The following SEPTIN6 variants were observed in gnomAD, a reference collection of about 807,000 sequenced individuals.
The protein encoded by SEPTIN6 is septin 6.
In SEPTIN6, 8 loss-of-function variants were observed where a neutral mutation model predicts 33.6. The ratio of observed to expected loss-of-function variants is 0.24; its 90% confidence interval spans 0.14 to 0.43. The LOEUF (loss-of-function observed/expected upper bound fraction) is 0.43. SEPTIN6 is among the 20% of genes least tolerant of loss of function. SEPTIN6 has a pLI of 1.00. For missense variants in SEPTIN6, 250 were observed against 340.8 expected (o/e 0.73, Z 2.10); for synonymous variants, 131 against 140.0 (o/e 0.94, Z 0.45).
chrX:119,629,011 C>T (rs912038684), intron 9 of SEPTIN6: 2 of 250,386 alleles, frequency 8.0e-6, no homozygotes, highest in African/African-American at 5.4e-5. Flanking sequence ...CTCTCACTCT[C>T]CTTTGCTTTT....
chrX:119,637,006 C>T, intron 7 of SEPTIN6, 21 bp downstream of exon 7: 1 of 1,202,622 alleles, frequency 8.3e-7, no homozygotes, highest in Non-Finnish European at 1.1e-6. Context: ...CTGGGCTGGG[C>T]TGGGCTGGCA....
chrX:119,652,085 A>G (rs1291994375), intron 4 of SEPTIN6, among the ~76,000 whole-genome samples: 1 of 111,555 alleles, frequency 9.0e-6, no homozygotes, highest in Non-Finnish European at 1.9e-5. Flanking sequence ...CACCATGCCC[A>G]GTTAATTTTT....
chrX:119,684,734 G>A (rs187059502), intron 1 of SEPTIN6, among the ~76,000 whole-genome samples: 1,243 of 110,497 alleles, frequency 0.011, 6 homozygotes, highest in Non-Finnish European at 0.019. Context: ...CAGGTGATCC[G>A]CCCGCCTCAG....
At position 119,680,923 on chromosome X, in the gene SEPTIN6, T is replaced by C. The variant is rs770153559; in HGVS notation, c.31-5255A>G. The stretch of plus-strand genomic sequence containing the variant: ...CTGAACCCGGGAGGCAGAGGTTGCA[T>C]TGAGCCGAGATCACGCCACTGCACT... On this transcript the variant is annotated intron_variant, in intron 1 of 10. Transcript: ENST00000394610. 1.9e-4 allele frequency among the ~76,000 whole-genome samples: 20 copies of C among 106,468 alleles called. No homozygotes were observed. The East Asian group carries it at 2.4e-3, about 13-fold the overall frequency. 92.5% of individuals were successfully genotyped at this position (106,468 alleles called of 115,157 possible). A position where few individuals can be genotyped will look rare whatever the true frequency, so the allele number is the denominator to read the frequency against.
chrX:119,630,074 T>C (rs2053933768), intron 8 of SEPTIN6, among the ~76,000 whole-genome samples: 1 of 111,860 alleles, frequency 8.9e-6, no homozygotes, highest in Non-Finnish European at 1.9e-5. Context: ...GAGCCAAGAT[T>C]GTGCCACTGG....
At chrX:119,621,497 T>TGTGTGTGTGTGTGTGTGTG (rs1569417826) in intron 10 of SEPTIN6, among the ~76,000 whole-genome samples, 1 of 32,638 alleles carries the variant, frequency 3.1e-5, no homozygotes, top group African/African-American at 8.6e-5. Flanking sequence ...GTGTGTGTAT[T>TGTGTGTGTGTGTGTGTGTG]TTTATTTCTT....
At chrX:119,645,642 C>A (rs2147516259) in intron 5 of SEPTIN6, among the ~76,000 whole-genome samples, 1 of 111,367 alleles carries the variant, frequency 9.0e-6, no homozygotes, top group Admixed American at 9.5e-5. Context: ...GGTGATCCAC[C>A]CGCCTCGGCC....
intron 1 of SEPTIN6, among the ~76,000 whole-genome samples, chrX:119,681,854 C>A (rs1001507050): frequency 1.8e-5 from 2 of 111,001 alleles, no homozygotes; most frequent in African/African-American, 6.6e-5. Flanking sequence ...CTGGGCAACA[C>A]AGCAGAATCC....
At chrX:119,625,417 A>G in intron 9 of SEPTIN6, 38 bp from the exon 10 acceptor site, 1 of 1,147,021 alleles carries the variant, frequency 8.7e-7, no homozygotes, top group Non-Finnish European at 1.2e-6. Context: ...TGGAGTGAGC[A>G]TGAGGGGAAA....
intron 5 of SEPTIN6, among the ~76,000 whole-genome samples, chrX:119,647,483 C>CTTTTTTTTTTTTTTTTT (rs61037430): frequency 1.3e-4 from 10 of 74,388 alleles, no homozygotes; most frequent in Admixed American, 1.7e-4. Context: ...TTCTCTCTCT[C>CTTTTTTTTTTTTTTTTT]TTTTTTTTTT....
chrX:119,653,156 A>C, intron 3 of SEPTIN6, 116 bp from the exon 4 acceptor site: 5 of 587,500 alleles, frequency 8.5e-6, no homozygotes, highest in Non-Finnish European at 1.3e-5. Context: ...ATCCAACTGC[A>C]TTTCTCCATC....
downstream of SEPTIN6, chrX:119,616,933 A>G (rs182258164): frequency 2.5e-5 from 26 of 1,054,877 alleles, no homozygotes; most frequent in Admixed American, 9.7e-4. Context: ...TTTTAAGAAC[A>G]CCACACACCA....
intron 3 of SEPTIN6, 24 bp downstream of exon 3, chrX:119,663,458 A>AACCCCCCCCAC: frequency 1.4e-6 from 1 of 730,700 alleles, no homozygotes; most frequent in African/African-American, 2.4e-5. Flanking sequence ...TCCCCACCCT[A>AACCCCCCCCAC]CCCCACCCCA....
At chrX:119,690,921 C>T (rs776304478) in intron 1 of SEPTIN6, among the ~76,000 whole-genome samples, 54 of 109,595 alleles carry the variant, frequency 4.9e-4, no homozygotes, top group Admixed American at 1.1e-3. Context: ...AACAGAGAGA[C>T]AAATGACACA....
rs368860497 is a variant in SEPTIN6, at chrX:119,693,100, T to C, written c.6A>G (p.Ala2=). The part of the protein sequence containing the change: M[A]ATDIARQVGE... ...CCACCTGGCGAGCTATATCGGTCGCTGCCATCGCTCCTGCGTCCGCCAGGG... is the reference window on the plus strand; with the variant it reads ...CCACCTGGCGAGCTATATCGGTCGCCGCCATCGCTCCTGCGTCCGCCAGGG... Residue 2 remains alanine (A), a synonymous_variant, in exon 1 of 11, where the codon GCA becomes GCG. Transcript: ENST00000394610. 3.3e-4 allele frequency: 385 copies of C among 1,170,176 alleles called. 2 individuals carry two copies. The East Asian group carries it at 8.0e-3, about 24-fold the overall frequency.
intron 8 of SEPTIN6, among the ~76,000 whole-genome samples, chrX:119,631,953 G>C (rs1271164995): frequency 9.1e-6 from 1 of 109,400 alleles, no homozygotes; most frequent in Admixed American, 9.9e-5. Flanking sequence ...AGCAGAGACA[G>C]GGTTTCACCA....
At chrX:119,683,407 C>T (rs1005197785) in intron 1 of SEPTIN6, among the ~76,000 whole-genome samples, 4 of 112,525 alleles carry the variant, frequency 3.6e-5, no homozygotes, top group African/African-American at 1.3e-4. Context: ...GTCTGAAAGA[C>T]CGTGCAAATC....
chrX:119,630,825 G>A (rs1325771373), intron 8 of SEPTIN6, among the ~76,000 whole-genome samples: 5 of 109,662 alleles, frequency 4.6e-5, no homozygotes, highest in Admixed American at 9.7e-5. Flanking sequence ...CCCGGGAGGC[G>A]GAGCTTTCAG....
chrX:119,655,979 C>A (rs2054436429), intron 3 of SEPTIN6, among the ~76,000 whole-genome samples: 1 of 111,723 alleles, frequency 9.0e-6, no homozygotes, highest in South Asian at 3.7e-4. Context: ...CTCAAAATAG[C>A]ATTTATACTC....
Sources: allele counts gnomAD v4.1 joint callset (sites outside exome capture counted in the v4.1 genomes callset), GRCh38; gene constraint gnomAD v4.1.1; transcripts MANE v1.5; gene names NCBI Gene and HGNC (gene_info 2026-07-23, HGNC 2026-07-21).